The following PDE6C variants were observed in gnomAD, a reference collection of about 807,000 sequenced individuals.
The protein encoded by PDE6C is cone cGMP-specific 3',5'-cyclic phosphodiesterase subunit alpha'.
In PDE6C, 75 loss-of-function variants were observed where a neutral mutation model predicts 113.1. The observed-to-expected ratio is 0.66, with a 90% CI of 0.55 to 0.80. PDE6C has a LOEUF of 0.80. PDE6C is among the 30% of genes least tolerant of loss of function. PDE6C has a pLI of 0.00. For missense variants in PDE6C, 912 were observed against 1,038.6 expected (o/e 0.88, Z 1.67); for synonymous variants, 375 against 363.7 (o/e 1.03, Z -0.35).
intron 10 of PDE6C, among the ~76,000 whole-genome samples, chr10:93,636,364 GGC>G (rs1491393345): frequency 9.0e-6 from 1 of 111,680 alleles, no homozygotes; most frequent in Admixed American, 1.1e-4. Flanking sequence ...TTATTTCCCT[GGC>G]TTTGTGTGTG....
intron 16 of PDE6C, among the ~76,000 whole-genome samples, chr10:93,657,676 A>G (rs978195429): frequency 6.6e-6 from 1 of 152,174 alleles, no homozygotes; most frequent in Non-Finnish European, 1.5e-5. Context: ...CCAGTCTTCT[A>G]TTCATAGACA....
intron 21 of PDE6C, among the ~76,000 whole-genome samples, chr10:93,664,282 T>C (rs1230062170): frequency 6.6e-6 from 1 of 152,198 alleles, no homozygotes; most frequent in African/African-American, 2.4e-5. Flanking sequence ...TCCTGAAGAA[T>C]GCTTACGCTA....
At chr10:93,628,298 A>G (rs576399865) in intron 7 of PDE6C, among the ~76,000 whole-genome samples, 9 of 151,906 alleles carry the variant, frequency 5.9e-5, no homozygotes, top group Admixed American at 2.0e-4. Flanking sequence ...TTAAAATGCT[A>G]TGATAGCTGG....
chr10:93,619,578 C>T (rs1379581265), intron 1 of PDE6C, among the ~76,000 whole-genome samples: 4 of 152,144 alleles, frequency 2.6e-5, no homozygotes, highest in Non-Finnish European at 4.4e-5. Flanking sequence ...AGGGGCGTGC[C>T]ACCACGCTTG....
At chr10:93,640,314 A>C (rs931513747) in intron 12 of PDE6C, 98 bp downstream of exon 12, 3 of 1,344,844 alleles carry the variant, frequency 2.2e-6, no homozygotes, top group Non-Finnish European at 2.1e-6. Context: ...TGAATTTTAA[A>C]TTATTATTAA....
At chr10:93,657,096 G>A (rs1184113899) in intron 16 of PDE6C, among the ~76,000 whole-genome samples, 2 of 151,888 alleles carry the variant, frequency 1.3e-5, no homozygotes, top group African/African-American at 4.8e-5. Context: ...ACCGTCTGAC[G>A]TTGATGTGTA....
At chr10:93,641,520 C>T (rs1323232084) in intron 14 of PDE6C, among the ~76,000 whole-genome samples, 1 of 151,948 alleles carries the variant, frequency 6.6e-6, no homozygotes, top group Non-Finnish European at 1.5e-5. Flanking sequence ...AGGCACATGT[C>T]TATAGGAGGT....
rs546128539 is a variant in PDE6C at position 93,622,030 on chromosome 10, T to C, written c.822T>C (p.Cys274=). The C allele has an allele frequency of 1.2e-6, 2 of 1,614,114 alleles. No individual in the cohort carries two copies. Among genetic ancestry groups the C allele is most frequent in the East Asian group, 4.5e-5 (2 of 44,882 alleles). ...ALYTVRSYLN[C]ERYSIGLLDM... ...ACACGGTTAGATCATATCTGAACTG[T>C]GAACGATACTCCATTGGACTGCTGG... The change falls in exon 4 of 22, where the codon TGT becomes TGC. Residue 274 remains cysteine (C), a synonymous_variant. Transcript: ENST00000371447.
chr10:93,639,739 A>G (rs930967824), intron 11 of PDE6C, among the ~76,000 whole-genome samples: 2 of 152,266 alleles, frequency 1.3e-5, no homozygotes, highest in Non-Finnish European at 2.9e-5. Flanking sequence ...ATCAAAAATG[A>G]GTAAGGCTTT....
intron 14 of PDE6C, 64 bp downstream of exon 14, chr10:93,641,093 A>G: frequency 1.0e-6 from 1 of 972,680 alleles, no homozygotes; most frequent in Non-Finnish European, 1.7e-6. Flanking sequence ...TTAGGGTGAG[A>G]AAAACGCTTC....
At chr10:93,639,409 T>C (rs2058548684) in intron 11 of PDE6C, among the ~76,000 whole-genome samples, 1 of 152,268 alleles carries the variant, frequency 6.6e-6, no homozygotes, top group Non-Finnish European at 1.5e-5. Flanking sequence ...ATGTGTCTAC[T>C]TGGCTATTTT....
intron 11 of PDE6C, among the ~76,000 whole-genome samples, chr10:93,638,304 A>G (rs1434174659): frequency 6.6e-6 from 1 of 151,898 alleles, no homozygotes; most frequent in African/African-American, 2.4e-5. Context: ...CTGCTACCAT[A>G]AGACTGTTGG....
At chr10:93,661,960 T>C (rs191757572) in intron 18 of PDE6C, 99 bp from the exon 19 acceptor site, 36 of 799,392 alleles carry the variant, frequency 4.5e-5, no homozygotes, top group African/African-American at 1.5e-4. Context: ...ACCTCAAACA[T>C]TGACTGTAAA....
Position 93,658,888 on chromosome 10 carries a change from G to T in PDE6C, c.2037-13G>T. The stretch of plus-strand genomic sequence containing the variant: ...TAAGCTAAAATTGTTGCTCACAGCT[G>T]TATCTTTTCTAGGAAGAGGACCATG... On this transcript the variant is annotated splice_polypyrimidine_tract_variant and intron_variant, in intron 16 of 21. Coordinates refer to ENST00000371447, the MANE Select transcript of PDE6C (RefSeq NM_006204.4). 1.3e-6 allele frequency: 2 copies of T among 1,502,200 alleles called. No homozygotes were observed. The highest frequency in any genetic ancestry group is 1.7e-4 in the Middle Eastern group (1 of 5,844). 93.1% of individuals were successfully genotyped at this position (1,502,200 alleles called of 1,614,324 possible). A position where few individuals can be genotyped will look rare whatever the true frequency, so the allele number is the denominator to read the frequency against.
chr10:93,662,604 A>C lies in PDE6C; in HGVS notation c.2328A>C (p.Gln776His). The change falls in exon 20 of 22, where the codon CAA becomes CAC. Residue 776 changes from glutamine (Q) to histidine (H), a missense_variant. Coordinates refer to ENST00000371447, the MANE Select transcript of PDE6C (RefSeq NM_006204.4). Reference sequence around the variant, plus strand: ...AAAGAGATGAATTACCTAAACTTCAAGTTGGATTTATTGATTTTGTTTGTA... The same window carrying C: ...AAAGAGATGAATTACCTAAACTTCACGTTGGATTTATTGATTTTGTTTGTA... ...RNKRDELPKL[Q>H]VGFIDFVCTF... 2.0e-6 allele frequency: 3 copies of C among 1,499,344 alleles called. No homozygotes were observed. The highest frequency in any genetic ancestry group is 2.8e-6 in the Non-Finnish European group (3 of 1,075,390). The allele number at this position is 1,499,344 out of a possible 1,614,324, so 92.9% of individuals were successfully genotyped here.
Position 93,659,176 on chromosome 10 carries a change from A to G in PDE6C, c.2208+9A>G. ...GGGAGGTGCAAAGTCAGGTGAGTCC[A>G]GTTAAGTTTTCTTTTCTGTCACACT... On this transcript the variant is annotated intron_variant, in intron 18 of 21. Coordinates refer to ENST00000371447, the MANE Select transcript of PDE6C (RefSeq NM_006204.4). 1 of 1,596,670 alleles carries G rather than the reference A, an allele frequency of 6.3e-7. No homozygotes were observed. The highest frequency in any genetic ancestry group is 1.1e-5 in the South Asian group (1 of 90,426).
chr10:93,658,169 CAAAAAAAAAAAA>C (rs71031527), intron 16 of PDE6C, among the ~76,000 whole-genome samples: 1 of 59,888 alleles, frequency 1.7e-5, no homozygotes. Flanking sequence ...GATTCTGTCT[CAAAAAAAAAAAA>C]AAAAAAAAAA....
At chr10:93,626,921 T>G (rs143127767) in intron 7 of PDE6C, 50 bp downstream of exon 7, 1 of 1,463,340 alleles carries the variant, frequency 6.8e-7, no homozygotes, top group Non-Finnish European at 9.5e-7. Context: ...AAGAAACTCT[T>G]ATTAGCTAAG....
At chr10:93,647,106 T>C (rs891868936) in intron 15 of PDE6C, among the ~76,000 whole-genome samples, 8 of 152,182 alleles carry the variant, frequency 5.3e-5, no homozygotes, top group Non-Finnish European at 1.2e-4. Flanking sequence ...ATCAATTTTA[T>C]TGAAGGGATA....
Sources: allele counts gnomAD v4.1 joint callset (sites outside exome capture counted in the v4.1 genomes callset), GRCh38; gene constraint gnomAD v4.1.1; transcripts MANE v1.5; gene names NCBI Gene and HGNC (gene_info 2026-07-23, HGNC 2026-07-21).